The following BIRC6 variants were observed in gnomAD, a reference collection of about 807,000 sequenced individuals.
BIRC6 encodes the protein baculoviral IAP repeat containing 6.
BIRC6 carries 98 observed loss-of-function variants against 503.3 expected under a neutral mutation model. That is an observed-to-expected ratio of 0.19 (90% CI 0.17 to 0.23). The LOEUF (loss-of-function observed/expected upper bound fraction) is 0.23, where lower values mean the gene tolerates loss of function less well. Among genes scored for constraint, BIRC6 ranks in the 10% least tolerant of loss-of-function variants. The pLI is 1.00. For missense variants in BIRC6, 5,360 were observed against 5,806.0 expected (o/e 0.92, Z 2.50); for synonymous variants, 2,240 against 2,078.7 (o/e 1.08, Z -2.11).
chr2:32,552,372 A>G (rs757812267), intron 65 of BIRC6, among the ~76,000 whole-genome samples: 8 of 152,208 alleles, frequency 5.3e-5, no homozygotes, highest in Non-Finnish European at 1.0e-4. Flanking sequence ...TTTTATTTCA[A>G]TAGAAGTTTA....
chr2:32,432,580 G>C (rs926767725), intron 12 of BIRC6, among the ~76,000 whole-genome samples: 2 of 151,716 alleles, frequency 1.3e-5, no homozygotes, highest in African/African-American at 2.4e-5. Context: ...AATATAGGGA[G>C]ACCTCGTCTC....
rs539252595 is a variant in BIRC6, at chr2:32,536,634, C to A, written c.12291+5083C>A. Among the ~76,000 whole-genome samples, 11 of 152,192 alleles carry A rather than the reference C, an allele frequency of 7.2e-5. No homozygotes were observed. In the East Asian group the frequency reaches 1.4e-3, roughly 19 times the overall value. ...TGGTTGTAGATATGTGGCATTATTT[C>A]TGAGGGCTCTGTTCTGTTCCATTGG... On this transcript the variant is annotated intron_variant, in intron 61 of 73. Transcript: ENST00000421745.
chr2:32,511,362 C>T (rs745895862), intron 53 of BIRC6, among the ~76,000 whole-genome samples: 14 of 150,824 alleles, frequency 9.3e-5, no homozygotes, highest in African/African-American at 2.4e-4. Context: ...CAGGCTGGAG[C>T]GCAGTGGTGC....
chr2:32,447,504 C>T (rs1007291322), intron 21 of BIRC6, among the ~76,000 whole-genome samples: 1 of 135,190 alleles, frequency 7.4e-6, no homozygotes, highest in Non-Finnish European at 1.6e-5. Context: ...CCCTCCCGGA[C>T]GGGGCGGCTG....
At chr2:32,514,479 AT>A (rs1413978129) in intron 54 of BIRC6, among the ~76,000 whole-genome samples, 1 of 152,208 alleles carries the variant, frequency 6.6e-6, no homozygotes, top group Non-Finnish European at 1.5e-5. Context: ...AGCAGAATAC[AT>A]TTTTGAAGAG....
intron 60 of BIRC6, among the ~76,000 whole-genome samples, chr2:32,530,556 AT>A (rs1208202908): frequency 6.6e-6 from 1 of 152,092 alleles, no homozygotes; most frequent in East Asian, 1.9e-4. Flanking sequence ...TGAATTGGCT[AT>A]TTTTTCATAA....
chr2:32,381,452 C>T (rs1235528308), intron 3 of BIRC6, among the ~76,000 whole-genome samples: 5 of 151,342 alleles, frequency 3.3e-5, no homozygotes, highest in African/African-American at 1.2e-4. Context: ...GTTGGTCAGG[C>T]AGGTGGCGAA....
In BIRC6 at chr2:32,357,532, C is replaced by T. The variant is rs916620558; in HGVS notation, c.325+46C>T. On this transcript the variant is annotated intron_variant, in intron 1 of 73. Transcript: ENST00000421745. This position sits in a 1 kb window ranked among gnomAD's most constrained non-coding sequence, Gnocchi z 4.9. ...GCGGGCGCGAAGCCGGGGAAAGAAG[C>T]CGTCCAGCCCCGGGGCTCGGCCTCG... is the stretch of plus-strand genomic sequence containing the variant. 2.6e-6 allele frequency: 4 copies of T among 1,521,544 alleles called. No homozygotes were observed. Among genetic ancestry groups the T allele is most frequent in the African/African-American group, 1.4e-5 (1 of 69,750 alleles). 94.3% of individuals were successfully genotyped at this position (1,521,544 alleles called of 1,614,324 possible). A position where few individuals can be genotyped will look rare whatever the true frequency, so the allele number is the denominator to read the frequency against.
At chr2:32,441,266 C>T (rs1370406733) in intron 16 of BIRC6, 63 bp from the exon 17 acceptor site, 32 of 1,199,134 alleles carry the variant, frequency 2.7e-5, no homozygotes, top group East Asian at 2.6e-5. Context: ...TTTATAACTT[C>T]AATGGTAAAT....
At chr2:32,497,184 G>A (rs2052581044) in intron 45 of BIRC6, among the ~76,000 whole-genome samples, 1 of 152,144 alleles carries the variant, frequency 6.6e-6, no homozygotes, top group Non-Finnish European at 1.5e-5. Flanking sequence ...TTATATTGGT[G>A]TTTTCTAAAG....
Position 32,531,414 on chromosome 2 carries a change from T to G in BIRC6, c.12154T>G (p.Cys4052Gly). 1 of 1,613,922 alleles carries G rather than the reference T, an allele frequency of 6.2e-7. No individual in the cohort carries two copies. Among genetic ancestry groups the G allele is most frequent in the Non-Finnish European group, 8.5e-7 (1 of 1,179,838 alleles). ...TGAGGCTCTCACTCCAGGTGATGAA[T>G]GCATGGATGGGATACTGGATGAATC... ...EDEALTPGDE[C>G]MDGILDESLL... Residue 4052 changes from cysteine to glycine, a missense_variant, in exon 61 of 74, where the codon TGC becomes GGC. Coordinates refer to ENST00000421745, the MANE Select transcript of BIRC6 (RefSeq NM_016252.4).
intron 15 of BIRC6, 48 bp downstream of exon 15, chr2:32,436,232 T>TA: frequency 6.0e-6 from 8 of 1,329,972 alleles, no homozygotes; most frequent in Middle Eastern, 3.9e-4. Context: ...ACCACAGTTG[T>TA]AAAAAAGACG....
At chr2:32,455,106 C>A (rs1019294973) in intron 23 of BIRC6, among the ~76,000 whole-genome samples, 1 of 151,958 alleles carries the variant, frequency 6.6e-6, no homozygotes, top group African/African-American at 2.4e-5. Context: ...GGGCCTGGCG[C>A]GGTGGCTCAT....
Position 32,597,975 on chromosome 2 carries a change from A to T in BIRC6, c.13830+7A>T. On this transcript the variant is annotated splice_region_variant and intron_variant, in intron 69 of 73. Transcript: ENST00000421745. ...GCGACTTGATATCATGAAGGTAAAAAATAATGATAATAAAGCACTCTCCCT... is the reference window on the plus strand; with the variant it reads ...GCGACTTGATATCATGAAGGTAAAATATAATGATAATAAAGCACTCTCCCT... 1 of 1,598,236 alleles carries T rather than the reference A, an allele frequency of 6.3e-7. No individual in the cohort carries two copies. The highest frequency in any genetic ancestry group is 8.5e-7 in the Non-Finnish European group (1 of 1,172,368).
intron 45 of BIRC6, among the ~76,000 whole-genome samples, chr2:32,498,623 T>G (rs1002633008): frequency 1.3e-5 from 2 of 152,296 alleles, no homozygotes; most frequent in South Asian, 4.1e-4. Context: ...ACTTTCGCTC[T>G]GTCACCCAGG....
rs148708995 is a variant in BIRC6, at chr2:32,587,639, G to A, written c.13356-6276G>A. Among the ~76,000 whole-genome samples, 499 of 151,958 alleles carry A rather than the reference G, an allele frequency of 3.3e-3. 3 individuals are homozygous for A. The highest frequency in any genetic ancestry group is 6.0e-3 in the Non-Finnish European group (411 of 67,964). ...CTCAGGAGGCTGAGGCATGAGAATC[G>A]CTTGAACCTGGGAGGTGAAGGTTGC... On this transcript the variant is annotated intron_variant, in intron 66 of 73. Coordinates refer to ENST00000421745, the MANE Select transcript of BIRC6 (RefSeq NM_016252.4).
chr2:32,469,668 G>A (rs1254657843), intron 30 of BIRC6, 54 bp downstream of exon 30: 3 of 1,420,956 alleles, frequency 2.1e-6, no homozygotes, highest in East Asian at 2.3e-5. Context: ...ACTTTTCACA[G>A]TTACTGGTTA....
chr2:32,357,531 GC>G lies in BIRC6; in HGVS notation c.325+47del. The G allele has an allele frequency of 6.5e-7, 1 of 1,528,948 alleles. No homozygotes were observed. The highest frequency in any genetic ancestry group is 8.8e-7 in the Non-Finnish European group (1 of 1,139,334). 94.7% of individuals were successfully genotyped at this position (1,528,948 alleles called of 1,614,324 possible). ...GGCGGGCGCGAAGCCGGGGAAAGAA[GC>G]CGTCCAGCCCCGGGGCTCGGCCTCG... On this transcript the variant is annotated intron_variant, in intron 1 of 73. Transcript: ENST00000421745. The surrounding 1 kb of genome is among the most constrained non-coding windows in gnomAD (Gnocchi z 4.9).
chr2:32,366,343 A>G (rs576805648), intron 1 of BIRC6, among the ~76,000 whole-genome samples: 1 of 152,132 alleles, frequency 6.6e-6, no homozygotes, highest in South Asian at 2.1e-4. Flanking sequence ...TTTTGTTGCT[A>G]TTTTCTCTTC....
Sources: allele counts gnomAD v4.1 joint callset (sites outside exome capture counted in the v4.1 genomes callset), GRCh38; gene constraint gnomAD v4.1.1; non-coding constraint Gnocchi (gnomAD v3.1); transcripts MANE v1.5; gene names NCBI Gene and HGNC (gene_info 2026-07-23, HGNC 2026-07-21).